LHFPL6: variants seen among roughly 807,000 people sequenced by gnomAD.
LHFPL6 encodes the protein LHFPL tetraspan subfamily member 6.
In LHFPL6, 9 loss-of-function variants were observed where a neutral mutation model predicts 20.6. That is an observed-to-expected ratio of 0.44 (90% confidence interval 0.26 to 0.76). LHFPL6 has a LOEUF of 0.76. Among genes scored for constraint, LHFPL6 ranks in the 30% least tolerant of loss-of-function variants. The pLI, the probability that LHFPL6 is intolerant of heterozygous loss-of-function variation, is 0.20. For synonymous variants in LHFPL6, 105 were observed against 98.7 expected, an observed-to-expected ratio of 1.06 and a Z score of -0.38; for missense variants, 218 against 253.5, an observed-to-expected ratio of 0.86 and a Z score of 0.95.
At chr13:39,391,252 C>A (rs1487070709) in intron 2 of LHFPL6, among the ~76,000 whole-genome samples, 4 of 152,164 alleles carry the variant, frequency 2.6e-5, no homozygotes, top group Non-Finnish European at 5.9e-5. Flanking sequence ...GTCTTTACTA[C>A]TGATTTTGAT....
At chr13:39,545,895 G>C (rs12428145) in intron 2 of LHFPL6, among the ~76,000 whole-genome samples, 50,478 of 151,822 alleles carry the variant, frequency 0.33, 8,521 homozygotes, top group Middle Eastern at 0.45. Flanking sequence ...ACATAGTGAG[G>C]CTGCTTCTCT....
intron 2 of LHFPL6, among the ~76,000 whole-genome samples, chr13:39,486,415 A>C (rs1405092676): frequency 6.6e-6 from 1 of 152,214 alleles, no homozygotes; most frequent in Non-Finnish European, 1.5e-5. Flanking sequence ...GTATTTAAAA[A>C]AATGTATTGC....
intron 2 of LHFPL6, among the ~76,000 whole-genome samples, chr13:39,453,721 C>T (rs1243843015): frequency 6.6e-6 from 1 of 152,148 alleles, no homozygotes; most frequent in African/African-American, 2.4e-5. Flanking sequence ...CTTCCCTGGG[C>T]AGGTAGTCCA....
intron 2 of LHFPL6, among the ~76,000 whole-genome samples, chr13:39,569,759 CTATTAATAAATTAA>C (rs1310961499): frequency 6.6e-6 from 1 of 152,154 alleles, no homozygotes; most frequent in Admixed American, 6.5e-5. Context: ...CTAAAGGGTG[CTATTAATAAATTAA>C]TATCTTCACT....
At chr13:39,413,585 GTTT>G (rs10549523) in intron 2 of LHFPL6, among the ~76,000 whole-genome samples, 13,603 of 144,850 alleles carry the variant, frequency 0.094, 698 homozygotes, top group Middle Eastern at 0.12. Flanking sequence ...CAACCGACTA[GTTT>G]TTTTTTTTTT....
intron 2 of LHFPL6, among the ~76,000 whole-genome samples, chr13:39,555,531 G>A (rs1871280289): frequency 6.6e-6 from 1 of 152,110 alleles, no homozygotes; most frequent in Non-Finnish European, 1.5e-5. Context: ...TTCCTCATCT[G>A]TAAAATGAAT....
intron 2 of LHFPL6, among the ~76,000 whole-genome samples, chr13:39,443,487 T>C (rs1472197345): frequency 2.0e-5 from 3 of 152,116 alleles, no homozygotes; most frequent in Non-Finnish European, 4.4e-5. Flanking sequence ...GGGTAATGCA[T>C]AGAGGCTGGA....
intron 2 of LHFPL6, among the ~76,000 whole-genome samples, chr13:39,532,864 T>C (rs938692142): frequency 6.6e-6 from 1 of 152,202 alleles, no homozygotes; most frequent in African/African-American, 2.4e-5. Context: ...AGGGTATTCA[T>C]TTCCCACTAG....
chr13:39,404,104 G>A (rs1036896579), intron 2 of LHFPL6, among the ~76,000 whole-genome samples: 1 of 152,214 alleles, frequency 6.6e-6, no homozygotes, highest in Non-Finnish European at 1.5e-5. Context: ...CTTTGTGCCT[G>A]CTTTGCTAAT....
Position 39,537,260 on chromosome 13 carries a change from G to C in LHFPL6, c.385+63572C>G, listed in dbSNP as rs558485162. Among the ~76,000 whole-genome samples, 22 of 152,280 alleles carry C rather than the reference G, an allele frequency of 1.4e-4. No homozygotes were observed. The South Asian group carries it at 2.7e-3, about 19-fold the overall frequency. On this transcript the variant is annotated intron_variant, in intron 2 of 3. Coordinates refer to ENST00000379589, the MANE Select transcript of LHFPL6 (RefSeq NM_005780.3). ...AGTCCTCGGCACGCACACCACACAAGTCCACGTGGCTTTATGGATGATGCA... is the reference window on the plus strand; with the variant it reads ...AGTCCTCGGCACGCACACCACACAACTCCACGTGGCTTTATGGATGATGCA...
intron 2 of LHFPL6, among the ~76,000 whole-genome samples, chr13:39,531,317 T>G (rs758320897): frequency 6.6e-6 from 1 of 152,320 alleles, no homozygotes; most frequent in East Asian, 1.9e-4. Context: ...ATGGCTTTTA[T>G]GCAGATGAGA....
chr13:39,370,262 T>C (rs1593288346), intron 3 of LHFPL6, among the ~76,000 whole-genome samples: 1 of 152,136 alleles, frequency 6.6e-6, no homozygotes, highest in African/African-American at 2.4e-5. Flanking sequence ...AGTGCCCCCA[T>C]GGGTTCCTAT....
chr13:39,499,147 A>G (rs1209082042), intron 2 of LHFPL6, among the ~76,000 whole-genome samples: 1 of 151,898 alleles, frequency 6.6e-6, no homozygotes, highest in African/African-American at 2.4e-5. Context: ...ACAGGCGTGT[A>G]CCACGCACCC....
chr13:39,440,757 A>G (rs9548769), intron 2 of LHFPL6, among the ~76,000 whole-genome samples: 10,436 of 151,922 alleles, frequency 0.069, 522 homozygotes, highest in South Asian at 0.18. Context: ...CCCTAATCTC[A>G]TCTTGAATTG....
At chr13:39,357,096 T>A (rs188593949) in intron 3 of LHFPL6, among the ~76,000 whole-genome samples, 1 of 152,110 alleles carries the variant, frequency 6.6e-6, no homozygotes, top group African/African-American at 2.4e-5. Context: ...GGCTTGAACC[T>A]GGGAGGTGGA....
chr13:39,529,943 G>T lies in LHFPL6; in HGVS notation c.385+70889C>A, dbSNP rs114780958. ...AAGAAGAAAAAGGTTTTATGAAAGA[G>T]AAAATTTTATTCTGAAGTTCATCCA... On this transcript the variant is annotated intron_variant, in intron 2 of 3. Coordinates refer to ENST00000379589, the MANE Select transcript of LHFPL6 (RefSeq NM_005780.3). 7.1e-3 allele frequency among the ~76,000 whole-genome samples: 1,087 copies of T among 152,312 alleles called. 10 individuals are homozygous for T. The highest frequency in any genetic ancestry group is 0.025 in the African/African-American group (1,034 of 41,578).
chr13:39,575,856 G>A (rs894744427), intron 2 of LHFPL6, among the ~76,000 whole-genome samples: 27 of 152,100 alleles, frequency 1.8e-4, no homozygotes, highest in East Asian at 5.8e-4. Context: ...TCAGATTGAC[G>A]TTCAGCAGCT....
chr13:39,487,200 T>C (rs1419346448), intron 2 of LHFPL6, among the ~76,000 whole-genome samples: 1 of 152,170 alleles, frequency 6.6e-6, no homozygotes, highest in Non-Finnish European at 1.5e-5. Flanking sequence ...AAATGCACTA[T>C]CAGTCAATTT....
rs746611999 is a variant in LHFPL6, at chr13:39,562,634, A to G, written c.385+38198T>C. The stretch of plus-strand genomic sequence containing the variant: ...TATATACACATATATACACACATAT[A>G]TATACACATATATACACACATATAC... On this transcript the variant is annotated intron_variant, in intron 2 of 3. Coordinates refer to ENST00000379589, the MANE Select transcript of LHFPL6 (RefSeq NM_005780.3). 1.1e-3 allele frequency among the ~76,000 whole-genome samples: 102 copies of G among 91,100 alleles called. 2 individuals are homozygous for G. The highest frequency in any genetic ancestry group is 6.0e-3 in the Middle Eastern group (1 of 168). The allele number at this position is 91,100 out of a possible 152,430, so 59.8% of individuals were successfully genotyped here.
Sources: gnomAD v4.1 joint callset for allele counts (sites outside exome capture counted in the v4.1 genomes callset) on GRCh38, gnomAD v4.1.1 for gene constraint, MANE v1.5 for transcripts, NCBI Gene and HGNC (gene_info 2026-07-23, HGNC 2026-07-21) for gene names.